INPP5A: variants seen among roughly 807,000 people sequenced by gnomAD.
INPP5A encodes 43 kDa inositol polyphosphate 5-phophatase.
Under a neutral mutation model 65.2 loss-of-function variants are expected in INPP5A, and 14 were observed. The observed-to-expected ratio is 0.21, with a 90% CI of 0.14 to 0.34. The LOEUF (loss-of-function observed/expected upper bound fraction) is 0.34. Among genes scored for constraint, INPP5A ranks in the 10% least tolerant of loss-of-function variants. The pLI is 1.00. For missense variants in INPP5A, 431 were observed against 545.6 expected, an observed-to-expected ratio of 0.79 and a Z score of 2.09; for synonymous variants, 207 against 208.3, an observed-to-expected ratio of 0.99 and a Z score of 0.05.
chr10:132,607,810 C>T (rs561844873), intron 1 of INPP5A, 105 bp from the exon 2 acceptor site: 41 of 1,154,666 alleles, frequency 3.6e-5, no homozygotes, highest in African/African-American at 3.4e-4. Flanking sequence ...GCCCGGGCTG[C>T]GCCTCTGCTC....
chr10:132,773,520 C>T (rs1846992139), intron 12 of INPP5A, among the ~76,000 whole-genome samples: 1 of 152,188 alleles, frequency 6.6e-6, no homozygotes, highest in African/African-American at 2.4e-5. Flanking sequence ...TTATGTTCTC[C>T]TGTCTTTAGA....
At chr10:132,655,996 G>A (rs564776733) in intron 4 of INPP5A, among the ~76,000 whole-genome samples, 25 of 152,272 alleles carry the variant, frequency 1.6e-4, no homozygotes, top group African/African-American at 5.5e-4. Context: ...AGGGCCTGGC[G>A]TGGGCACCTG....
chr10:132,714,248 C>G (rs1454180480), intron 8 of INPP5A, among the ~76,000 whole-genome samples: 1 of 152,188 alleles, frequency 6.6e-6, no homozygotes, highest in Non-Finnish European at 1.5e-5. Context: ...GCGGCGCGCT[C>G]AGCCAGCCGC....
At chr10:132,726,285 A>G (rs1185851493) in intron 8 of INPP5A, among the ~76,000 whole-genome samples, 1 of 152,220 alleles carries the variant, frequency 6.6e-6, no homozygotes, top group Non-Finnish European at 1.5e-5. Flanking sequence ...AACAGGTCTG[A>G]GGGGACATCC....
At position 132,782,019 on chromosome 10, in the gene INPP5A, T is replaced by C. The variant is rs768662946; in HGVS notation, c.*8-18T>C. On this transcript the variant is annotated intron_variant, in intron 15 of 15. Coordinates refer to ENST00000368594, the MANE Select transcript of INPP5A (RefSeq NM_005539.5). The surrounding 1 kb of genome is among the most constrained non-coding windows in gnomAD (Gnocchi z 4.4). Reference sequence around the variant, plus strand: ...CTGGTGCGTTTGTTCCTTTAACAAATTACGAATTCCGTGACAGGGAAGAGA... The same window carrying C: ...CTGGTGCGTTTGTTCCTTTAACAAACTACGAATTCCGTGACAGGGAAGAGA... 4.0e-5 allele frequency: 65 copies of C among 1,609,146 alleles called. No individual in the cohort carries two copies. The African/African-American group carries it at 7.1e-4, about 17-fold the overall frequency.
intron 1 of INPP5A, 100 bp from the exon 2 acceptor site, chr10:132,607,815 C>A: frequency 8.2e-7 from 1 of 1,222,872 alleles, no homozygotes; most frequent in Non-Finnish European, 1.2e-6. Flanking sequence ...GGCTGCGCCT[C>A]TGCTCCTGCC....
chr10:132,720,815 C>T (rs1374922063), intron 8 of INPP5A, among the ~76,000 whole-genome samples: 4 of 99,982 alleles, frequency 4.0e-5, no homozygotes, highest in Admixed American at 1.1e-4. Context: ...GGCTGTCTTG[C>T]GGGTTCTGTG....
intron 4 of INPP5A, among the ~76,000 whole-genome samples, chr10:132,688,823 TGA>T (rs757352191): frequency 0.045 from 178 of 3,946 alleles, 2 homozygotes; most frequent in African/African-American, 0.19. Flanking sequence ...AGTGCATGAC[TGA>T]GTGCAAGTGT....
At chr10:132,633,850 G>A (rs1011254644) in intron 2 of INPP5A, among the ~76,000 whole-genome samples, 1 of 152,200 alleles carries the variant, frequency 6.6e-6, no homozygotes, top group Non-Finnish European at 1.5e-5. Context: ...TTATTGTGAC[G>A]ATTTCAAGCC....
Position 132,782,389 on chromosome 10 carries a change from C to G in INPP5A, c.*360C>G, listed in dbSNP as rs765828078. 1.6e-5 allele frequency: 5 copies of G among 314,572 alleles called. No homozygotes were observed. Among genetic ancestry groups the G allele is most frequent in the Non-Finnish European group, 3.1e-5 (5 of 162,670 alleles). The allele number at this position is 314,572 out of a possible 1,614,324, so 19.5% of individuals were successfully genotyped here. ...GGAGGGGCTTCTTCAGCACAGAGAC[C>G]CCCCACTGTGTCCAGGGACCCCCTC... On this transcript the variant is annotated 3_prime_UTR_variant, in exon 16 of 16. Transcript: ENST00000368594. This position sits in a 1 kb window ranked among gnomAD's most constrained non-coding sequence, Gnocchi z 4.4.
intron 9 of INPP5A, among the ~76,000 whole-genome samples, chr10:132,733,647 A>G (rs1846125106): frequency 6.6e-6 from 1 of 152,212 alleles, no homozygotes; most frequent in Non-Finnish European, 1.5e-5. Context: ...GACTTGGACC[A>G]AGGAATTGAG....
intron 4 of INPP5A, among the ~76,000 whole-genome samples, chr10:132,688,999 G>C (rs987554040): frequency 6.6e-6 from 1 of 152,206 alleles, no homozygotes; most frequent in Admixed American, 6.5e-5. Context: ...GTGTGTGAGT[G>C]CCTGTGAGTG....
Position 132,538,058 on chromosome 10 carries a change from C to T in INPP5A, c.-39C>T, listed in dbSNP as rs192496226. 995 of 1,034,836 alleles carry T rather than the reference C, an allele frequency of 9.6e-4. 22 individuals carry two copies. The East Asian group carries it at 0.06, about 62-fold the overall frequency. 64.1% of individuals were successfully genotyped at this position (1,034,836 alleles called of 1,614,324 possible). A position where few individuals can be genotyped will look rare whatever the true frequency, so the allele number is the denominator to read the frequency against. On this transcript the variant is annotated 5_prime_UTR_variant, in exon 1 of 16. Transcript: ENST00000368594. This position sits in a 1 kb window ranked among gnomAD's most constrained non-coding sequence, Gnocchi z 4.1. ...CGGTCCCGGAGGAAGCGGCCGCCGC[C>T]GCCGCCGCCCAGCCCAGCGCCCGCG...
At chr10:132,709,159 G>A (rs1180592143) in intron 7 of INPP5A, among the ~76,000 whole-genome samples, 1 of 151,074 alleles carries the variant, frequency 6.6e-6, no homozygotes, top group Non-Finnish European at 1.5e-5. Context: ...AGCTCACTGG[G>A]GCTGTGGGCA....
chr10:132,649,933 G>A (rs2072550775), intron 3 of INPP5A, among the ~76,000 whole-genome samples: 1 of 152,190 alleles, frequency 6.6e-6, no homozygotes, highest in African/African-American at 2.4e-5. Flanking sequence ...CAAGGCCGTG[G>A]CAACTCAACC....
chr10:132,640,153 C>T (rs1360108765), intron 2 of INPP5A, among the ~76,000 whole-genome samples: 1 of 152,210 alleles, frequency 6.6e-6, no homozygotes, highest in Non-Finnish European at 1.5e-5. Context: ...GTGGATGCTG[C>T]GTTGTATAGA....
chr10:132,720,166 G>A (rs1198534262), intron 8 of INPP5A, among the ~76,000 whole-genome samples: 1 of 149,310 alleles, frequency 6.7e-6, no homozygotes, highest in Admixed American at 6.7e-5. Flanking sequence ...GTGGTACCTG[G>A]GTTCTGTCTG....
intron 1 of INPP5A, among the ~76,000 whole-genome samples, chr10:132,556,378 C>A (rs1286787077): frequency 6.6e-6 from 1 of 152,202 alleles, no homozygotes; most frequent in Non-Finnish European, 1.5e-5. Context: ...CGTGCACCTC[C>A]ACGGGGACCA....
intron 9 of INPP5A, among the ~76,000 whole-genome samples, chr10:132,742,078 G>A (rs921097185): frequency 1.2e-4 from 19 of 152,234 alleles, no homozygotes; most frequent in African/African-American, 3.6e-4. Context: ...GCCCTGAGGG[G>A]CGGTTGCTCT....
Sources: gnomAD v4.1 joint callset for allele counts (sites outside exome capture counted in the v4.1 genomes callset) on GRCh38, gnomAD v4.1.1 for gene constraint, Gnocchi (gnomAD v3.1) non-coding constraint, MANE v1.5 for transcripts, NCBI Gene and HGNC (gene_info 2026-07-23, HGNC 2026-07-21) for gene names.